Variants in NR1H3 observed in about 807,000 individuals in gnomAD.
NR1H3 encodes nuclear receptor subfamily 1 group H member 3.
Under a neutral mutation model 48.1 loss-of-function variants are expected in NR1H3, and 19 were observed. That is an observed-to-expected ratio of 0.40 (90% CI 0.28 to 0.58). The LOEUF (loss-of-function observed/expected upper bound fraction) is 0.58, where lower values mean the gene tolerates loss of function less well. Ranked by LOEUF, NR1H3 falls within the 20% of genes least tolerant of loss-of-function variation. The probability of loss-of-function intolerance (pLI) is 0.50; values close to 1 mark genes in which losing one functional copy is unlikely to be tolerated. For missense variants in NR1H3, 486 were observed against 595.9 expected, an observed-to-expected ratio of 0.82 and a Z score of 1.92; for synonymous variants, 232 against 227.3, an observed-to-expected ratio of 1.02 and a Z score of -0.19.
chr11:47,264,049 C>T (rs958379519), intron 7 of NR1H3, among the ~76,000 whole-genome samples: 10 of 152,286 alleles, frequency 6.6e-5, no homozygotes, highest in Non-Finnish European at 7.4e-5. Flanking sequence ...GTTCATTCTG[C>T]GGCTCTCTAT....
intron 7 of NR1H3, among the ~76,000 whole-genome samples, chr11:47,263,606 C>CT (rs563452264): frequency 0.015 from 1,941 of 132,338 alleles, 45 homozygotes; most frequent in African/African-American, 0.037. Flanking sequence ...TTTTTCTTTT[C>CT]TTTTTTTTTT....
Position 47,261,357 on chromosome 11 carries a change from C to T in NR1H3, c.616C>T (p.Leu206Phe), listed in dbSNP as rs1358051480. 6.2e-7 allele frequency: 1 copy of T among 1,614,154 alleles called. No individual in the cohort carries two copies. Among genetic ancestry groups the T allele is most frequent in the Non-Finnish European group, 8.5e-7 (1 of 1,180,020 alleles). Residue 206 changes from leucine to phenylalanine, a missense_variant, in exon 5 of 10, where the codon CTC becomes TTC. Coordinates refer to ENST00000441012, the MANE Select transcript of NR1H3 (RefSeq NM_005693.4). ...ASSPPQILPQLSPEQLGMIEK... is the reference protein window; with the variant it reads ...ASSPPQILPQFSPEQLGMIEK... ...CTCACCCCCCCAAATCCTGCCCCAG[C>T]TCAGCCCGGAACAACTGGGCATGAT... is the stretch of plus-strand genomic sequence containing the variant.
intron 1 of NR1H3, among the ~76,000 whole-genome samples, chr11:47,249,405 A>G (rs1278409338): frequency 6.6e-6 from 1 of 152,102 alleles, no homozygotes; most frequent in East Asian, 1.9e-4. Context: ...TTTCCCTTCC[A>G]GTCCTTTCCC....
rs976347580 is a variant in NR1H3, at chr11:47,252,279, G to C, written c.-93+3280G>C. Among the ~76,000 whole-genome samples the C allele has an allele frequency of 9.2e-5, 14 of 151,724 alleles. 1 individual carries two copies. Among genetic ancestry groups the C allele is most frequent in the Admixed American group, 5.9e-4 (9 of 15,238 alleles). On this transcript the variant is annotated intron_variant, in intron 1 of 8. Transcript: ENST00000395397. ...TGTTGTTGTTGTTGTTGTTGTTTTTGAGATGGAGTTTTGCTCTTGTTGCCC... is the reference window on the plus strand; with the variant it reads ...TGTTGTTGTTGTTGTTGTTGTTTTTCAGATGGAGTTTTGCTCTTGTTGCCC...
intron 7 of NR1H3, 98 bp from the exon 8 acceptor site, chr11:47,267,815 A>C (rs1424859386): frequency 2.3e-6 from 2 of 873,410 alleles, no homozygotes; most frequent in East Asian, 4.9e-5. Flanking sequence ...GGCCTCAGTA[A>C]ACTTCTTAGT....
chr11:47,261,299 G>T lies in NR1H3; in HGVS notation c.558G>T (p.Gln186His). The T allele has an allele frequency of 1.2e-6, 2 of 1,613,998 alleles. No homozygotes were observed. Among genetic ancestry groups the T allele is most frequent in the South Asian group, 2.2e-5 (2 of 91,078 alleles). Residue 186 changes from glutamine (Q) to histidine (H), a missense_variant, in exon 5 of 10, where the codon CAG (glutamine) becomes CAT (histidine). Physicochemically the swap from Gln to His is conservative, Grantham distance 24 (BLOSUM62 0). Coordinates refer to ENST00000441012, the MANE Select transcript of NR1H3 (RefSeq NM_005693.4). ...AACTGAAGCGGCAAGAGGAGGAACA[G>T]GCTCATGCCACATCCTTGCCCCCCA... ...LKKLKRQEEE[Q>H]AHATSLPPRA...
chr11:47,267,133 C>G (rs1232603999), intron 7 of NR1H3, among the ~76,000 whole-genome samples: 3 of 151,788 alleles, frequency 2.0e-5, no homozygotes, highest in Non-Finnish European at 4.4e-5. Flanking sequence ...ATGGTGAAAT[C>G]CTGTCACAAC....
At chr11:47,255,617 CTT>C (rs369607273), upstream of NR1H3, among the ~76,000 whole-genome samples, 6,899 of 75,820 alleles carry the variant, frequency 0.091, 451 homozygotes, top group East Asian at 0.39. Context: ...CTCTCTCTCT[CTT>C]TCTTTCTTTC....
chr11:47,267,825 T>G, intron 7 of NR1H3, 88 bp from the exon 8 acceptor site: 3 of 937,656 alleles, frequency 3.2e-6, no homozygotes, highest in African/African-American at 1.6e-5. Context: ...AACTTCTTAG[T>G]GAGTTCCTAA....
In NR1H3 at chr11:47,262,028, G is replaced by C; in HGVS notation, c.988+10G>C. On this transcript the variant is annotated intron_variant, in intron 7 of 9. Transcript: ENST00000441012. Reference sequence around the variant, plus strand: ...GACTTTGCCAAAGCAGGTGAGAACTGAGATCACACAGGGATTGGGGTTGGG... The same window carrying C: ...GACTTTGCCAAAGCAGGTGAGAACTCAGATCACACAGGGATTGGGGTTGGG... 2 of 1,592,022 alleles carry C rather than the reference G, an allele frequency of 1.3e-6. No homozygotes were observed. The highest frequency in any genetic ancestry group is 2.2e-5 in the South Asian group (2 of 90,662).
At chr11:47,249,035 A>T in intron 1 of NR1H3, 1 of 1,452,684 alleles carries the variant, frequency 6.9e-7, no homozygotes, top group Non-Finnish European at 9.0e-7. Flanking sequence ...GGGCTCGAAG[A>T]CCTCATCTTG....
intron 1 of NR1H3, among the ~76,000 whole-genome samples, chr11:47,249,398 C>T (rs938820269): frequency 6.6e-6 from 1 of 152,178 alleles, no homozygotes. Flanking sequence ...CTCTCACTTT[C>T]CCTTCCAGTC....
chr11:47,257,664 C>G, upstream of NR1H3: 2 of 985,730 alleles, frequency 2.0e-6, no homozygotes, highest in South Asian at 9.4e-5. Context: ...GAACACGATT[C>G]TGGAGGCTGC....
intron 8 of NR1H3, 92 bp from the exon 9 acceptor site, chr11:47,268,169 G>A: frequency 7.7e-7 from 1 of 1,292,220 alleles, no homozygotes; most frequent in Non-Finnish European, 1.1e-6. Flanking sequence ...AGAGAGCTTG[G>A]CTGGAGCATG....
chr11:47,265,003 G>A (rs913201694), intron 7 of NR1H3, among the ~76,000 whole-genome samples: 4 of 152,236 alleles, frequency 2.6e-5, no homozygotes, highest in Non-Finnish European at 5.9e-5. Context: ...TTTAGAAAAT[G>A]GGGCTTGCCG....
intron 5 of NR1H3, 39 bp from the exon 6 acceptor site, chr11:47,261,508 G>A (rs1402351758): frequency 6.2e-7 from 1 of 1,610,644 alleles, no homozygotes; most frequent in Admixed American, 1.7e-5. Context: ...GCTTCTTGAT[G>A]TCCGACTCAA....
At chr11:47,259,450 G>A (rs373539637) in intron 2 of NR1H3, 191 bp downstream of exon 2, 77 of 1,551,936 alleles carry the variant, frequency 5.0e-5, no homozygotes, top group Middle Eastern at 1.7e-4. Context: ...GCAGGCACCC[G>A]CCCAGTCCTC....
intron 1 of NR1H3, among the ~76,000 whole-genome samples, chr11:47,250,855 G>A (rs184287005): frequency 6.6e-6 from 1 of 152,320 alleles, no homozygotes; most frequent in East Asian, 1.9e-4. Flanking sequence ...GGCACAGTTT[G>A]AGAATGGATT....
intron 5 of NR1H3, 47 bp from the exon 6 acceptor site, chr11:47,261,500 T>C (rs1955862825): frequency 6.2e-7 from 1 of 1,610,394 alleles, no homozygotes; most frequent in African/African-American, 1.3e-5. Flanking sequence ...ACCAGTGGGC[T>C]TCTTGATGTC....
Sources: allele counts gnomAD v4.1 joint callset (sites outside exome capture counted in the v4.1 genomes callset), GRCh38; gene constraint gnomAD v4.1.1; transcripts MANE v1.5; gene names NCBI Gene and HGNC (gene_info 2026-07-23, HGNC 2026-07-21).